VCAN: variants seen among roughly 807,000 people sequenced by gnomAD.
VCAN encodes the protein versican.
In VCAN, 44 loss-of-function variants were observed where a neutral mutation model predicts 245.5. The ratio of observed to expected loss-of-function variants is 0.18; its 90% confidence interval spans 0.14 to 0.23. The LOEUF (loss-of-function observed/expected upper bound fraction) is 0.23, where lower values mean the gene tolerates loss of function less well. Ranked by LOEUF, VCAN falls within the 10% of genes least tolerant of loss-of-function variation. VCAN has a pLI of 1.00. For synonymous variants in VCAN, 1,413 were observed against 1,437.0 expected (o/e 0.98, Z 0.38); for missense variants, 3,793 against 4,057.9 (o/e 0.93, Z 1.77).
rs377684308 is a variant in VCAN at position 83,540,395 on chromosome 5, C to T, written c.7392C>T (p.Ser2464=). The T allele has an allele frequency of 2.1e-5, 34 of 1,613,786 alleles. No individual in the cohort carries two copies. The African/African-American group carries it at 4.0e-4, about 19-fold the overall frequency. ...GCACCACATTTGTTTCTGATGGGTC[C>T]CTGGAAAAACATCCTGAGGTGCCAA... is the stretch of plus-strand genomic sequence containing the variant. ...ESSTTFVSDG[S]LEKHPEVPSA... is the part of the protein sequence containing the mutation. The change falls in exon 8 of 15, where the codon TCC becomes TCT. Residue 2464 remains serine, a synonymous_variant. Transcript: ENST00000265077.
chr5:83,547,986 A>T lies in VCAN; in HGVS notation c.9395A>T (p.His3132Leu). Residue 3132 changes from histidine (H) to leucine (L), a missense_variant, in exon 10 of 15, where the codon CAC becomes CTC. This residue lies in a region of VCAN where 205 missense variants were observed against 321.1 expected (regional missense o/e 0.64). Transcript: ENST00000265077. ...TTTGTTTCAGATTTTGATGAATGTCACTCTAATCCCTGTCGTAATGGAGCC... is the reference window on the plus strand; with the variant it reads ...TTTGTTTCAGATTTTGATGAATGTCTCTCTAATCCCTGTCGTAATGGAGCC... ...DQCELDFDEC[H>L]SNPCRNGATC... 1.2e-6 allele frequency: 2 copies of T among 1,613,300 alleles called. No individual in the cohort carries two copies. Among genetic ancestry groups the T allele is most frequent in the Non-Finnish European group, 1.7e-6 (2 of 1,179,338 alleles).
intron 5 of VCAN, among the ~76,000 whole-genome samples, chr5:83,496,744 T>G (rs1159130778): frequency 6.6e-6 from 1 of 152,186 alleles, no homozygotes; most frequent in Non-Finnish European, 1.5e-5. Flanking sequence ...CTTTTATGGC[T>G]GATGAGGTAA....
At chr5:83,555,363 A>G (rs1034646711) in intron 12 of VCAN, among the ~76,000 whole-genome samples, 1 of 152,246 alleles carries the variant, frequency 6.6e-6, no homozygotes, top group Admixed American at 6.5e-5. Flanking sequence ...CAAAAAGAGA[A>G]GAATAAAATG....
Position 83,541,221 on chromosome 5 carries a change from A to G in VCAN, c.8218A>G (p.Thr2740Ala). ...TGCAGACCAAAGTGAAATAATACCAACATTGGGCCAATTTGAAAGGACTCA... is the reference window on the plus strand; with the variant it reads ...TGCAGACCAAAGTGAAATAATACCAGCATTGGGCCAATTTGAAAGGACTCA... ...AIADQSEIIP[T>A]LGQFERTQEE... The change falls in exon 8 of 15, where the codon ACA becomes GCA. Residue 2740 changes from threonine to alanine, a missense_variant. By Grantham distance (58) the Thr-to-Ala change is moderately conservative. Around this residue, in one of 5 missense-constraint regions of VCAN, gnomAD observed 3,182 missense variants for 3,250.3 expected, o/e 0.98. Coordinates refer to ENST00000265077, the MANE Select transcript of VCAN (RefSeq NM_004385.5). The G allele has an allele frequency of 6.2e-7, 1 of 1,613,974 alleles. No individual in the cohort carries two copies. Among genetic ancestry groups the G allele is most frequent in the Non-Finnish European group, 8.5e-7 (1 of 1,179,986 alleles).
intron 6 of VCAN, among the ~76,000 whole-genome samples, chr5:83,517,844 A>G (rs1354325546): frequency 6.6e-6 from 1 of 152,204 alleles, no homozygotes; most frequent in African/African-American, 2.4e-5. Flanking sequence ...TCATGATAAA[A>G]TCAGTGAAGC....
chr5:83,489,187 G>A (rs1270193441), intron 2 of VCAN, among the ~76,000 whole-genome samples: 1 of 152,148 alleles, frequency 6.6e-6, no homozygotes. Flanking sequence ...ATATTTTCAT[G>A]AAGTAAGCAT....
intron 7 of VCAN, among the ~76,000 whole-genome samples, chr5:83,523,328 T>C (rs1746172906): frequency 6.6e-6 from 1 of 152,156 alleles, no homozygotes. Context: ...ATTTGCTATA[T>C]TTTCATTTTC....
chr5:83,532,265 TG>T (rs1324807066), intron 7 of VCAN, among the ~76,000 whole-genome samples: 1 of 151,752 alleles, frequency 6.6e-6, no homozygotes, highest in Non-Finnish European at 1.5e-5. Context: ...TGACAGGAAA[TG>T]GGGATGAAGA....
chr5:83,554,768 C>G (rs2290672), intron 11 of VCAN, among the ~76,000 whole-genome samples, 188 bp from the exon 12 acceptor site: 1 of 151,944 alleles, frequency 6.6e-6, no homozygotes, highest in Non-Finnish European at 1.5e-5. Flanking sequence ...GCACATTAAC[C>G]TTTTCATTTA....
chr5:83,485,845 A>G (rs1744775075), intron 2 of VCAN, among the ~76,000 whole-genome samples: 1 of 152,092 alleles, frequency 6.6e-6, no homozygotes, highest in South Asian at 2.1e-4. Context: ...CATGCCTGTA[A>G]TCCCAGGACT....
chr5:83,506,209 C>T (rs527452534), intron 5 of VCAN, among the ~76,000 whole-genome samples: 24 of 152,334 alleles, frequency 1.6e-4, no homozygotes, highest in South Asian at 6.2e-4. Flanking sequence ...TGAATTCCCC[C>T]GCAGAAAATG....
chr5:83,516,266 A>C (rs1745854406), intron 6 of VCAN, among the ~76,000 whole-genome samples: 2 of 152,300 alleles, frequency 1.3e-5, no homozygotes, highest in South Asian at 4.1e-4. Context: ...CCTGGACTAC[A>C]GAGCAAGACT....
chr5:83,490,521 T>A (rs1319214750), intron 3 of VCAN, 49 bp downstream of exon 3: 1 of 1,608,388 alleles, frequency 6.2e-7, no homozygotes, highest in African/African-American at 1.3e-5. Context: ...GACACCTGGT[T>A]CAGAAGCATT....
chr5:83,555,698 T>C (rs1747643714), intron 12 of VCAN, among the ~76,000 whole-genome samples: 2 of 152,178 alleles, frequency 1.3e-5, no homozygotes, highest in African/African-American at 4.8e-5. Flanking sequence ...AATATGATTG[T>C]CTATACTAGT....
At position 83,537,943 on chromosome 5, in the gene VCAN, A is replaced by C; in HGVS notation, c.4940A>C (p.Glu1647Ala). 6.2e-7 allele frequency: 1 copy of C among 1,613,848 alleles called. No homozygotes were observed. The highest frequency in any genetic ancestry group is 8.5e-7 in the Non-Finnish European group (1 of 1,179,932). The change falls in exon 8 of 15, where the codon GAA becomes GCA. Residue 1647 changes from glutamate to alanine, a missense_variant. Physicochemically the swap from Glu to Ala is moderately radical, Grantham distance 107 (BLOSUM62 -1). Around this residue, in one of 5 missense-constraint regions of VCAN, gnomAD observed 3,182 missense variants for 3,250.3 expected, o/e 0.98. Transcript: ENST00000265077. ...PITEGSGEAEEDEDTMFTMVT... is the reference protein window; with the variant it reads ...PITEGSGEAEADEDTMFTMVT... Reference sequence around the variant, plus strand: ...ACAGAAGGCTCTGGAGAAGCAGAAGAAGATGAAGATACAATGTTCACCATG... The same window carrying C: ...ACAGAAGGCTCTGGAGAAGCAGAAGCAGATGAAGATACAATGTTCACCATG...
At chr5:83,515,903 T>TGAA (rs1745829076) in intron 6 of VCAN, among the ~76,000 whole-genome samples, 1 of 152,212 alleles carries the variant, frequency 6.6e-6, no homozygotes, top group African/African-American at 2.4e-5. Context: ...GAATTTGAAT[T>TGAA]TGTTAGCATT....
intron 12 of VCAN, among the ~76,000 whole-genome samples, chr5:83,559,654 G>GCTCCC (rs1747795234): frequency 6.6e-6 from 1 of 152,048 alleles, no homozygotes; most frequent in East Asian, 1.9e-4. Context: ...CCTCTTCTGT[G>GCTCCC]CTCCCACATC....
At chr5:83,515,616 T>C (rs1745818122) in intron 6 of VCAN, among the ~76,000 whole-genome samples, 1 of 152,272 alleles carries the variant, frequency 6.6e-6, no homozygotes, top group South Asian at 2.1e-4. Context: ...TTTCTAATTA[T>C]TGATATGTTC....
chr5:83,553,518 T>C lies in VCAN; in HGVS notation c.9648T>C (p.Val3216=). Residue 3216 remains valine, a synonymous_variant, in exon 11 of 15, where the codon GTT becomes GTC. Transcript: ENST00000265077. ...SILSHEEQMF[V]NRVGHDYQWI... The stretch of plus-strand genomic sequence containing the variant: ...TGTCTCACGAAGAACAAATGTTTGT[T>C]AATCGTATGTACCAAATAGATACGA... The C allele has an allele frequency of 6.2e-7, 1 of 1,614,050 alleles. No individual in the cohort carries two copies. The highest frequency in any genetic ancestry group is 8.5e-7 in the Non-Finnish European group (1 of 1,179,914).
Sources: gnomAD v4.1 joint callset for allele counts (sites outside exome capture counted in the v4.1 genomes callset) on GRCh38, gnomAD v4.1.1 for gene constraint, gnomAD v4.1.1 regional missense constraint, MANE v1.5 for transcripts, NCBI Gene and HGNC (gene_info 2026-07-23, HGNC 2026-07-21) for gene names.